The following TUB variants were observed in gnomAD, a reference collection of about 807,000 sequenced individuals.
TUB encodes tubby protein homolog.
Under a neutral mutation model 59.7 loss-of-function variants are expected in TUB, and 33 were observed. That is an observed-to-expected ratio of 0.55 (90% CI 0.42 to 0.74). The LOEUF is 0.74. TUB is among the 30% of genes least tolerant of loss of function. TUB has a pLI of 0.00. For missense variants in TUB, 659 were observed against 672.0 expected, an observed-to-expected ratio of 0.98 and a Z score of 0.21; for synonymous variants, 293 against 256.4, an observed-to-expected ratio of 1.14 and a Z score of -1.36.
Position 8,100,849 on chromosome 11 carries a change from C to T in TUB, c.1239C>T (p.Arg413=), listed in dbSNP as rs1289815710. ...AGGAGCATGAGACACTGCTAGCACG[C>T]TGGCAGAATAAGAACACGGAGAGTA... ...PRNEHETLLA[R]WQNKNTESII... The change falls in exon 11 of 12, where the codon CGC becomes CGT. Residue 413 remains arginine (R), a synonymous_variant. Coordinates refer to ENST00000299506, the MANE Select transcript of TUB (RefSeq NM_177972.3). 1.2e-6 allele frequency: 2 copies of T among 1,614,180 alleles called. No homozygotes were observed. The highest frequency in any genetic ancestry group is 1.7e-4 in the Middle Eastern group (1 of 6,058).
chr11:8,033,928 C>G (rs1327031061), upstream of TUB, among the ~76,000 whole-genome samples: 1 of 152,238 alleles, frequency 6.6e-6, no homozygotes, highest in Non-Finnish European at 1.5e-5. Context: ...TAGGAGTTCT[C>G]TAGACGGGCT....
At chr11:8,075,127 G>A (rs925811332) in intron 2 of TUB, among the ~76,000 whole-genome samples, 2 of 149,996 alleles carry the variant, frequency 1.3e-5, no homozygotes, top group African/African-American at 5.1e-5. Context: ...TTACTTAAAG[G>A]AGTCCTAATT....
chr11:8,062,440 G>A (rs138389606), intron 2 of TUB, among the ~76,000 whole-genome samples: 3 of 152,062 alleles, frequency 2.0e-5, no homozygotes, highest in Non-Finnish European at 2.9e-5. Context: ...GGAGCCAGGC[G>A]CTGTCAGGGG....
upstream of TUB, chr11:8,076,999 G>C (rs1404419596): frequency 1.3e-5 from 2 of 152,120 alleles, no homozygotes; most frequent in African/African-American, 4.8e-5. Flanking sequence ...AATTACAGAG[G>C]GCTTTATCTG....
At chr11:8,087,896 G>A (rs1244065176) in intron 1 of TUB, among the ~76,000 whole-genome samples, 1 of 152,206 alleles carries the variant, frequency 6.6e-6, no homozygotes, top group Non-Finnish European at 1.5e-5. Flanking sequence ...TCCACAATGG[G>A]ATGCCCAGCC....
chr11:8,089,183 A>G (rs1943722650), intron 1 of TUB, among the ~76,000 whole-genome samples: 1 of 152,168 alleles, frequency 6.6e-6, no homozygotes, highest in African/African-American at 2.4e-5. Flanking sequence ...GTGGGAAGGA[A>G]GGAAAAGGCT....
At chr11:8,043,612 T>C (rs1204256721) in intron 2 of TUB, among the ~76,000 whole-genome samples, 1 of 152,196 alleles carries the variant, frequency 6.6e-6, no homozygotes, top group Non-Finnish European at 1.5e-5. Context: ...CAAAGAAGTT[T>C]ATAGTTTTCA....
Position 8,028,382 on chromosome 11 carries a change from T to C in TUB, c.56+9024T>C, listed in dbSNP as rs563052603. On this transcript the variant is annotated intron_variant, in intron 1 of 11. Coordinates refer to the TUB transcript ENST00000534099. ...TATGATTTGCAAATGTTTTTCCCCA[T>C]TGTTGTCTTCTCACTTTCTTGATAA... is the stretch of plus-strand genomic sequence containing the variant. Among the ~76,000 whole-genome samples, 12 of 152,360 alleles carry C rather than the reference T, an allele frequency of 7.9e-5. No individual in the cohort carries two copies. In the East Asian group the frequency reaches 1.9e-3, roughly 24 times the overall value.
At chr11:8,036,837 C>A (rs1190708562), upstream of TUB, among the ~76,000 whole-genome samples, 1 of 152,218 alleles carries the variant, frequency 6.6e-6, no homozygotes, top group Non-Finnish European at 1.5e-5. Flanking sequence ...ATGGTCCAGC[C>A]TTAAGGTAAG....
intron 2 of TUB, among the ~76,000 whole-genome samples, chr11:8,040,848 C>T (rs1176324876): frequency 6.6e-6 from 1 of 152,214 alleles, no homozygotes; most frequent in Non-Finnish European, 1.5e-5. Flanking sequence ...ATGACAGCCT[C>T]CTTCCTGAAC....
chr11:8,058,079 G>A (rs1288078975), intron 2 of TUB, among the ~76,000 whole-genome samples: 1 of 151,938 alleles, frequency 6.6e-6, no homozygotes, highest in African/African-American at 2.4e-5. Context: ...AGGCATGGTG[G>A]TACATGCCTG....
chr11:8,094,260 C>T, intron 4 of TUB, 71 bp downstream of exon 4: 8 of 1,505,578 alleles, frequency 5.3e-6, no homozygotes, highest in Non-Finnish European at 7.1e-6. Flanking sequence ...AAGGTTTGTC[C>T]TCCTGACTTG....
chr11:8,046,524 CCT>C (rs1291856536), intron 2 of TUB, among the ~76,000 whole-genome samples: 1 of 152,228 alleles, frequency 6.6e-6, no homozygotes, highest in African/African-American at 2.4e-5. Flanking sequence ...GCCACTGTGA[CCT>C]CTTTTTCACC....
upstream of TUB, among the ~76,000 whole-genome samples, chr11:8,078,062 T>G (rs552758160): frequency 6.8e-4 from 104 of 152,246 alleles, 1 homozygote; most frequent in African/African-American, 2.4e-3. Flanking sequence ...ATAGCACATA[T>G]AAGACTCCAT....
At chr11:8,080,279 C>T (rs1309940382), upstream of TUB, among the ~76,000 whole-genome samples, 1 of 152,238 alleles carries the variant, frequency 6.6e-6, no homozygotes, top group Non-Finnish European at 1.5e-5. Context: ...CAGACCTCTC[C>T]CGGATCACCT....
At chr11:8,093,297 G>A (rs935927006) in intron 3 of TUB, among the ~76,000 whole-genome samples, 1 of 152,164 alleles carries the variant, frequency 6.6e-6, no homozygotes. Flanking sequence ...CCTGTGGCAA[G>A]AGGGAGTGCA....
Position 8,100,843 on chromosome 11 carries a change from A to G in TUB, c.1233A>G (p.Leu411=). ...CCTCCCAGGAGCATGAGACACTGCT[A>G]GCACGCTGGCAGAATAAGAACACGG... The part of the protein sequence containing the change: ...IRPRNEHETL[L]ARWQNKNTES... The change falls in exon 11 of 12, where the codon CTA becomes CTG. Residue 411 remains leucine, a synonymous_variant. Coordinates refer to ENST00000299506, the MANE Select transcript of TUB (RefSeq NM_177972.3). The G allele has an allele frequency of 1.2e-6, 2 of 1,614,172 alleles. No individual in the cohort carries two copies. Among genetic ancestry groups the G allele is most frequent in the South Asian group, 2.2e-5 (2 of 91,084 alleles).
chr11:8,028,843 C>T (rs1942533686), intron 1 of TUB, among the ~76,000 whole-genome samples: 1 of 152,090 alleles, frequency 6.6e-6, no homozygotes, highest in South Asian at 2.1e-4. Flanking sequence ...GACCCTGTCT[C>T]CATAAAATTT....
intron 1 of TUB, among the ~76,000 whole-genome samples, chr11:8,085,645 G>GA (rs1399161884): frequency 6.6e-6 from 1 of 152,210 alleles, no homozygotes; most frequent in Non-Finnish European, 1.5e-5. Flanking sequence ...TGACTGAGGG[G>GA]AAAGAATGAG....
Sources: gnomAD v4.1 joint callset for allele counts (sites outside exome capture counted in the v4.1 genomes callset) on GRCh38, gnomAD v4.1.1 for gene constraint, MANE v1.5 for transcripts, NCBI Gene and HGNC (gene_info 2026-07-23, HGNC 2026-07-21) for gene names.